The following IL1RAPL2 variants were observed in gnomAD, a reference collection of about 807,000 sequenced individuals.
IL1RAPL2 encodes X-linked interleukin-1 receptor accessory protein-like 2.
A neutral mutation model predicts 44.1 loss-of-function variants in IL1RAPL2; 3 were observed. The observed-to-expected ratio is 0.07, with a 90% CI of 0.03 to 0.18. The LOEUF is 0.18. Among genes scored for constraint, IL1RAPL2 ranks in the 10% least tolerant of loss-of-function variants. IL1RAPL2 has a pLI of 1.00. For synonymous variants in IL1RAPL2, 181 were observed against 178.8 expected (o/e 1.01, Z -0.10); for missense variants, 391 against 496.4 (o/e 0.79, Z 2.02).
At chrX:105,718,127 T>G (rs1016827200) in intron 7 of IL1RAPL2, among the ~76,000 whole-genome samples, 1 of 111,778 alleles carries the variant, frequency 8.9e-6, no homozygotes, top group Non-Finnish European at 1.9e-5. Flanking sequence ...TAGGTAACCT[T>G]TCTCGCCTCA....
At position 105,434,619 on chromosome X, in the gene IL1RAPL2, G is replaced by T. The variant is rs745918255; in HGVS notation, c.698-49694G>T. On this transcript the variant is annotated intron_variant, in intron 5 of 10. Coordinates refer to ENST00000372582, the MANE Select transcript of IL1RAPL2 (RefSeq NM_017416.2). Reference sequence around the variant, plus strand: ...TCCAAATTCTGGATATTAGACCTTTGTCAGATGGGTAGATTGCAAAAATTT... The same window carrying T: ...TCCAAATTCTGGATATTAGACCTTTTTCAGATGGGTAGATTGCAAAAATTT... Among the ~76,000 whole-genome samples the T allele has an allele frequency of 2.7e-5, 3 of 111,906 alleles. No homozygotes were observed. In the East Asian group the frequency reaches 8.4e-4, roughly 32 times the overall value.
chrX:105,126,504 T>C (rs964211926), intron 2 of IL1RAPL2, among the ~76,000 whole-genome samples: 4 of 111,396 alleles, frequency 3.6e-5, no homozygotes, highest in African/African-American at 1.3e-4. Flanking sequence ...ATTTGTTTAC[T>C]ATGTTCCTTT....
intron 2 of IL1RAPL2, among the ~76,000 whole-genome samples, chrX:104,941,780 C>T (rs1393427029): frequency 1.8e-5 from 2 of 111,534 alleles, no homozygotes; most frequent in African/African-American, 3.3e-5. Flanking sequence ...TGCCCATGCC[C>T]ATGTCCTGAA....
chrX:104,901,379 T>G (rs966078146), intron 2 of IL1RAPL2, among the ~76,000 whole-genome samples: 5 of 107,360 alleles, frequency 4.7e-5, no homozygotes, highest in Non-Finnish European at 9.6e-5. Context: ...CCTGGCTAAT[T>G]TTTTTGTATT....
At chrX:105,571,898 A>G (rs1294075793) in intron 6 of IL1RAPL2, among the ~76,000 whole-genome samples, 1 of 110,596 alleles carries the variant, frequency 9.0e-6, no homozygotes, top group African/African-American at 3.3e-5. Flanking sequence ...TACCTACTCA[A>G]AATTATGTAT....
At chrX:105,402,987 A>G (rs1417264678) in intron 5 of IL1RAPL2, among the ~76,000 whole-genome samples, 6 of 111,885 alleles carry the variant, frequency 5.4e-5, no homozygotes, top group Non-Finnish European at 1.1e-4. Flanking sequence ...TGAAAATCCT[A>G]AAAATGTCAA....
chrX:105,356,951 C>T (rs190523089), intron 5 of IL1RAPL2, among the ~76,000 whole-genome samples: 195 of 111,649 alleles, frequency 1.7e-3, no homozygotes, highest in Non-Finnish European at 2.9e-3. Flanking sequence ...ATCTGGCTCA[C>T]GGTAAGCTCT....
intron 2 of IL1RAPL2, among the ~76,000 whole-genome samples, chrX:105,183,535 G>T (rs1457328334): frequency 9.0e-6 from 1 of 111,498 alleles, no homozygotes; most frequent in African/African-American, 3.3e-5. Context: ...CAGTGTGTGG[G>T]GAGAACTTGT....
At chrX:104,845,523 T>C (rs776656523) in intron 2 of IL1RAPL2, among the ~76,000 whole-genome samples, 1 of 112,234 alleles carries the variant, frequency 8.9e-6, no homozygotes, top group South Asian at 3.7e-4. Flanking sequence ...TTTGAGATAA[T>C]TATCTTGGCT....
rs2033273275 is a variant in IL1RAPL2, at chrX:105,156,890, A to C, written c.83-38585A>C. Reference sequence around the variant, plus strand: ...ATTGGTAAGATTTAATGTATTTGACAGTAATTCCCATTAAAGGAAACTGTT... The same window carrying C: ...ATTGGTAAGATTTAATGTATTTGACCGTAATTCCCATTAAAGGAAACTGTT... On this transcript the variant is annotated intron_variant, in intron 2 of 10. Coordinates refer to ENST00000372582, the MANE Select transcript of IL1RAPL2 (RefSeq NM_017416.2). 4.5e-5 allele frequency among the ~76,000 whole-genome samples: 5 copies of C among 111,072 alleles called. No homozygotes were observed. In the South Asian group the frequency reaches 1.9e-3, roughly 43 times the overall value.
intron 6 of IL1RAPL2, among the ~76,000 whole-genome samples, chrX:105,564,003 G>T (rs1253525190): frequency 9.0e-6 from 1 of 111,436 alleles, no homozygotes; most frequent in Non-Finnish European, 1.9e-5. Flanking sequence ...CTTTCTTATA[G>T]TTCTAGAGGC....
intron 2 of IL1RAPL2, among the ~76,000 whole-genome samples, chrX:104,683,261 A>T (rs1338861824): frequency 8.9e-6 from 1 of 111,978 alleles, no homozygotes; most frequent in Non-Finnish European, 1.9e-5. Flanking sequence ...TGCTGGATGA[A>T]GATTCTGTAC....
chrX:105,033,633 C>A (rs1201309270), intron 2 of IL1RAPL2, among the ~76,000 whole-genome samples: 1 of 111,694 alleles, frequency 9.0e-6, no homozygotes, highest in Non-Finnish European at 1.9e-5. Flanking sequence ...GTAACCCAAT[C>A]TTTCTCTCTG....
At chrX:105,582,921 T>C (rs1207445519) in intron 6 of IL1RAPL2, among the ~76,000 whole-genome samples, 1 of 110,781 alleles carries the variant, frequency 9.0e-6, no homozygotes, top group Non-Finnish European at 1.9e-5. Flanking sequence ...AATATTGATA[T>C]GTACTTTTTA....
intron 1 of IL1RAPL2, among the ~76,000 whole-genome samples, chrX:104,615,507 C>A (rs1175440213): frequency 9.1e-6 from 1 of 109,694 alleles, no homozygotes. Context: ...AATTAGTTTG[C>A]TGACAGTAAT....
chrX:105,684,170 T>C lies in IL1RAPL2; in HGVS notation c.773-33197T>C, dbSNP rs147805711. On this transcript the variant is annotated intron_variant, in intron 6 of 10. Transcript: ENST00000372582. The stretch of plus-strand genomic sequence containing the variant: ...CAACTGAGGTACTTGGTTCATCTCA[T>C]TGGGACTGGTTGGACAGTGGGTGCA... 5.2e-3 allele frequency among the ~76,000 whole-genome samples: 584 copies of C among 111,924 alleles called. 5 individuals are homozygous for C. Among genetic ancestry groups the C allele is most frequent in the African/African-American group, 0.018 (561 of 30,829 alleles).
chrX:105,381,106 T>C (rs1441276458), intron 5 of IL1RAPL2, among the ~76,000 whole-genome samples: 2 of 111,148 alleles, frequency 1.8e-5, no homozygotes, highest in African/African-American at 6.5e-5. Flanking sequence ...TCATTCTAAG[T>C]ATTTTTGTAT....
At chrX:105,227,293 C>T (rs1350421991) in intron 3 of IL1RAPL2, among the ~76,000 whole-genome samples, 1 of 112,157 alleles carries the variant, frequency 8.9e-6, no homozygotes, top group Non-Finnish European at 1.9e-5. Flanking sequence ...ACCAGGTTTA[C>T]ACCTTACGGA....
chrX:105,192,309 C>G (rs2033639322), intron 2 of IL1RAPL2, among the ~76,000 whole-genome samples: 1 of 111,719 alleles, frequency 9.0e-6, no homozygotes, highest in Non-Finnish European at 1.9e-5. Flanking sequence ...CCTTTCATCT[C>G]TTCTTGCCCT....
Sources: allele counts gnomAD v4.1 joint callset (sites outside exome capture counted in the v4.1 genomes callset), GRCh38; gene constraint gnomAD v4.1.1; transcripts MANE v1.5; gene names NCBI Gene and HGNC (gene_info 2026-07-23, HGNC 2026-07-21).